The following PPAT variants were observed in gnomAD, a reference collection of about 807,000 sequenced individuals.
The protein encoded by PPAT is amidophosphoribosyltransferase.
In PPAT, 20 loss-of-function variants were observed where a neutral mutation model predicts 60.2. That is an observed-to-expected ratio of 0.33 (90% confidence interval 0.23 to 0.48). PPAT has a LOEUF of 0.48. PPAT is among the 20% of genes least tolerant of loss of function. The pLI, the probability that PPAT is intolerant of heterozygous loss-of-function variation, is 0.99. For missense variants in PPAT, 349 were observed against 629.6 expected (o/e 0.55, Z 4.77); for synonymous variants, 194 against 215.1 (o/e 0.90, Z 0.86).
At chr4:56,401,976 A>G in intron 6 of PPAT, 133 bp downstream of exon 6, 1 of 656,858 alleles carries the variant, frequency 1.5e-6, no homozygotes, top group Non-Finnish European at 2.5e-6. Flanking sequence ...ATGCATAAGA[A>G]AAACCATTTA....
At chr4:56,403,483 A>AGAAG (rs60729131) in intron 3 of PPAT, 82 bp from the exon 4 acceptor site, 13 of 1,064,280 alleles carry the variant, frequency 1.2e-5, no homozygotes, top group African/African-American at 3.2e-5. Context: ...CATAATGAAA[A>AGAAG]TAAGGCATTC....
In PPAT at chr4:56,407,726, T is replaced by C. The variant is rs1296116959; in HGVS notation, c.129-10A>G. 2 of 1,586,656 alleles carry C rather than the reference T, an allele frequency of 1.3e-6. No individual in the cohort carries two copies. Among genetic ancestry groups the C allele is most frequent in the East Asian group, 2.2e-5 (1 of 44,790 alleles). On this transcript the variant is annotated splice_polypyrimidine_tract_variant and intron_variant, in intron 1 of 10. Coordinates refer to ENST00000264220, the MANE Select transcript of PPAT (RefSeq NM_002703.5). ...AGCACTCTCCTGACCCCTGTGAATA[T>C]AAAAAGATATTAGCTGTTAAATCTG...
At chr4:56,416,779 C>T (rs1344328752) in intron 1 of PPAT, among the ~76,000 whole-genome samples, 1 of 152,162 alleles carries the variant, frequency 6.6e-6, no homozygotes, top group East Asian at 1.9e-4. Flanking sequence ...TGAAAGTAAA[C>T]ATCAGAGCCA....
Position 56,395,298 on chromosome 4 carries a change from A to C in PPAT, c.*54T>G. The C allele has an allele frequency of 6.8e-7, 1 of 1,464,042 alleles. No homozygotes were observed. The highest frequency in any genetic ancestry group is 9.4e-7 in the Non-Finnish European group (1 of 1,065,850). 90.7% of individuals were successfully genotyped at this position (1,464,042 alleles called of 1,614,324 possible). ...AGTAAATAGATGAGGTGTGACCACT[A>C]TAACTTCTTGACCAACTTTCTATCT... On this transcript the variant is annotated 3_prime_UTR_variant, in exon 11 of 11. Transcript: ENST00000264220.
intron 1 of PPAT, among the ~76,000 whole-genome samples, chr4:56,418,216 T>C (rs1382739760): frequency 6.6e-6 from 1 of 152,158 alleles, no homozygotes; most frequent in African/African-American, 2.4e-5. Context: ...CTCTGGAGGT[T>C]CACTTGAACC....
At chr4:56,402,647 T>C (rs1429000288) in intron 5 of PPAT, among the ~76,000 whole-genome samples, 2 of 151,868 alleles carry the variant, frequency 1.3e-5, no homozygotes, top group African/African-American at 2.4e-5. Context: ...AGAAACCCTG[T>C]CTCTACTAAA....
At chr4:56,420,773 ACATTTCTCTGAGACCCAT>A (rs1716999697) in intron 1 of PPAT, 1 of 152,230 alleles carries the variant, frequency 6.6e-6, no homozygotes, top group African/African-American at 2.4e-5. Context: ...TAGAAGTAGT[ACATTTCTCTGAGACCCAT>A]CATAAATGTC....
At chr4:56,433,410 A>G (rs1410403562) in intron 1 of PPAT, among the ~76,000 whole-genome samples, 3 of 141,968 alleles carry the variant, frequency 2.1e-5, no homozygotes, top group African/African-American at 9.2e-5. Context: ...AAAAAAAAAA[A>G]AAGAAAAAAA....
Position 56,400,117 on chromosome 4 carries a change from A to T in PPAT, c.1014+667T>A, listed in dbSNP as rs982087079. 7.2e-5 allele frequency: 11 copies of T among 152,294 alleles called. No homozygotes were observed. The East Asian group carries it at 1.9e-3, about 27-fold the overall frequency. The allele number at this position is 152,294 out of a possible 1,614,324, so 9.4% of individuals were successfully genotyped here. ...GGGTTTGAAGTACATGAGTCTACTT[A>T]TAGGTGGGTTTTCTTCCATCTCTGC... is the stretch of plus-strand genomic sequence containing the variant. On this transcript the variant is annotated intron_variant, in intron 8 of 10. Transcript: ENST00000264220.
At chr4:56,415,302 A>G (rs1436669983) in intron 1 of PPAT, among the ~76,000 whole-genome samples, 3 of 152,248 alleles carry the variant, frequency 2.0e-5, no homozygotes, top group Non-Finnish European at 4.4e-5. Flanking sequence ...AAAGATACTT[A>G]TCCGCCTCCC....
intron 6 of PPAT, 105 bp downstream of exon 6, chr4:56,402,004 A>T: frequency 1.2e-6 from 1 of 807,028 alleles, no homozygotes; most frequent in Non-Finnish European, 1.9e-6. Flanking sequence ...TTTCTTGCAG[A>T]CATCAAAAAG....
At chr4:56,433,409 A>G in intron 1 of PPAT, among the ~76,000 whole-genome samples, 1 of 149,736 alleles carries the variant, frequency 6.7e-6, no homozygotes, top group South Asian at 2.1e-4. Flanking sequence ...AAAAAAAAAA[A>G]AAAGAAAAAA....
In PPAT at chr4:56,395,483, A is replaced by G; in HGVS notation, c.1423T>C (p.Phe475Leu). Residue 475 changes from phenylalanine (F) to leucine (L), a missense_variant, in exon 11 of 11, where the codon TTT (phenylalanine) becomes CTT (leucine). Physicochemically the swap from Phe to Leu is conservative, Grantham distance 22. Around this residue, in one of 5 missense-constraint regions of PPAT, gnomAD observed 167 missense variants for 328.6 expected, o/e 0.51. Transcript: ENST00000264220. ...TGCTTTTTCTCTTTCTGTTTTTTAAACTTTATCCCTTCTTGTACAGATGAA... is the reference window on the plus strand; with the variant it reads ...TGCTTTTTCTCTTTCTGTTTTTTAAGCTTTATCCCTTCTTGTACAGATGAA... ...LVSSVQEGIK[F>L]KKQKEKKHDI... 3.7e-6 allele frequency: 6 copies of G among 1,612,836 alleles called. No homozygotes were observed. The highest frequency in any genetic ancestry group is 5.1e-6 in the Non-Finnish European group (6 of 1,179,346).
In PPAT at chr4:56,406,553, C is replaced by T. The variant is rs1716246287; in HGVS notation, c.344G>A (p.Gly115Glu). ...CQPFVVETLHGKIAVAHNGEL... is the reference protein window; with the variant it reads ...CQPFVVETLHEKIAVAHNGEL... ...GCCATTATGTGCCACAGCTATCTTCCCATGAAGTGTTTCAACAACGAAGGG... is the reference window on the plus strand; with the variant it reads ...GCCATTATGTGCCACAGCTATCTTCTCATGAAGTGTTTCAACAACGAAGGG... The change falls in exon 3 of 11, where the codon GGG (glycine) becomes GAG (glutamate). Residue 115 changes from glycine (G) to glutamate (E), a missense_variant. Transcript: ENST00000264220. 1 of 1,613,304 alleles carries T rather than the reference C, an allele frequency of 6.2e-7. No homozygotes were observed.
chr4:56,431,856 G>A (rs189843972), intron 1 of PPAT, among the ~76,000 whole-genome samples: 54 of 152,306 alleles, frequency 3.5e-4, no homozygotes, highest in Admixed American at 2.6e-4. Flanking sequence ...GATGTTTTCA[G>A]GACCAAAACA....
chr4:56,426,676 T>C (rs1464100028), intron 1 of PPAT, among the ~76,000 whole-genome samples: 1 of 152,232 alleles, frequency 6.6e-6, no homozygotes, highest in Non-Finnish European at 1.5e-5. Context: ...ACTTATCAAC[T>C]GACAGACATT....
intron 1 of PPAT, 95 bp downstream of exon 1, chr4:56,435,255 C>A: frequency 1.3e-6 from 2 of 1,564,632 alleles, no homozygotes; most frequent in Non-Finnish European, 1.7e-6. Context: ...GGTCGGTCCT[C>A]CCGGGCCCTC....
At chr4:56,409,146 C>T (rs1716339065) in intron 1 of PPAT, among the ~76,000 whole-genome samples, 1 of 152,148 alleles carries the variant, frequency 6.6e-6, no homozygotes, top group African/African-American at 2.4e-5. Flanking sequence ...TCACAACAAT[C>T]CTATGAAGTA....
chr4:56,410,099 A>T (rs905032949), intron 1 of PPAT, among the ~76,000 whole-genome samples: 3 of 152,210 alleles, frequency 2.0e-5, no homozygotes. Context: ...AACCAATGTT[A>T]GAGGACTAGG....
Sources: allele counts gnomAD v4.1 joint callset (sites outside exome capture counted in the v4.1 genomes callset), GRCh38; gene constraint gnomAD v4.1.1; regional missense constraint gnomAD v4.1.1; transcripts MANE v1.5; gene names NCBI Gene and HGNC (gene_info 2026-07-23, HGNC 2026-07-21).